The following PI4K2B variants were observed in gnomAD, a reference collection of about 807,000 sequenced individuals.
The protein encoded by PI4K2B is phosphatidylinositol 4-kinase type 2-beta.
Under a neutral mutation model 56.6 loss-of-function variants are expected in PI4K2B, and 46 were observed. The ratio of observed to expected loss-of-function variants is 0.81; its 90% CI spans 0.64 to 1.04. The LOEUF is 1.04. Ranked by LOEUF, PI4K2B falls within the 50% of genes least tolerant of loss-of-function variation. The pLI is 0.00. For synonymous variants in PI4K2B, 211 were observed against 223.8 expected (o/e 0.94, Z 0.51); for missense variants, 556 against 607.7 (o/e 0.91, Z 0.89).
intron 1 of PI4K2B, among the ~76,000 whole-genome samples, chr4:25,244,611 G>C (rs1048235347): frequency 1.3e-5 from 2 of 152,162 alleles, no homozygotes; most frequent in African/African-American, 2.4e-5. Flanking sequence ...GGGTCAAATT[G>C]GTCCCAATGG....
Position 25,268,207 on chromosome 4 carries a change from T to G in PI4K2B, c.1079-236T>G, listed in dbSNP as rs146548554. Among the ~76,000 whole-genome samples the G allele has an allele frequency of 6.2e-3, 952 of 152,330 alleles. 10 individuals carry two copies. The highest frequency in any genetic ancestry group is 0.022 in the African/African-American group (898 of 41,562). On this transcript the variant is annotated intron_variant, in intron 7 of 9. Coordinates refer to ENST00000264864, the MANE Select transcript of PI4K2B (RefSeq NM_018323.4). ...TTTAGAGCTATTTGAGATAGATTCA[T>G]TATCTAAACTCTTACTCTTTACTGT... is the stretch of plus-strand genomic sequence containing the variant.
intron 1 of PI4K2B, among the ~76,000 whole-genome samples, chr4:25,238,103 T>C (rs1044763137): frequency 2.6e-5 from 4 of 152,144 alleles, no homozygotes; most frequent in African/African-American, 9.7e-5. Context: ...AAGAAAATCA[T>C]TTAAAAGGAA....
chr4:25,245,074 G>T (rs926443398), intron 1 of PI4K2B, among the ~76,000 whole-genome samples: 3 of 152,104 alleles, frequency 2.0e-5, no homozygotes, highest in Admixed American at 6.6e-5. Flanking sequence ...CAATTTCTGA[G>T]GCTCCCCATA....
rs929777383 is a variant in PI4K2B at position 25,278,520 on chromosome 4, C to A, written c.*1333C>A. The A allele has an allele frequency of 6.6e-6, 1 of 152,530 alleles. No homozygotes were observed. Among genetic ancestry groups the A allele is most frequent in the African/African-American group, 2.4e-5 (1 of 41,424 alleles). 9.4% of individuals were successfully genotyped at this position (152,530 alleles called of 1,614,324 possible). On this transcript the variant is annotated 3_prime_UTR_variant, in exon 10 of 10. Transcript: ENST00000264864. ...TAGGATGCAAAACAGATCTGCCATT[C>A]CTTTTTCCCTTATATCTTCCTTTTG... is the stretch of plus-strand genomic sequence containing the variant.
At chr4:25,264,564 A>C (rs940807348) in intron 7 of PI4K2B, among the ~76,000 whole-genome samples, 1 of 152,186 alleles carries the variant, frequency 6.6e-6, no homozygotes, top group South Asian at 2.1e-4. Flanking sequence ...TTGTTTTCTG[A>C]TATTTGTATG....
intron 6 of PI4K2B, among the ~76,000 whole-genome samples, chr4:25,261,072 GAAT>G (rs1394266712): frequency 1.3e-5 from 2 of 151,814 alleles, no homozygotes; most frequent in Non-Finnish European, 2.9e-5. Context: ...TAGAATAGAA[GAAT>G]AATACCTGCC....
At position 25,255,232 on chromosome 4, in the gene PI4K2B, C is replaced by T. The variant is rs1326411872; in HGVS notation, c.591C>T (p.Asn197=). The part of the protein sequence containing the change: ...LSEAGAYLVD[N]KLHLSIVPKT... Reference sequence around the variant, plus strand: ...AAGCGGGTGCCTATCTTGTGGACAACAAGCTTCATCTGAGCATTGTACCTA... The same window carrying T: ...AAGCGGGTGCCTATCTTGTGGACAATAAGCTTCATCTGAGCATTGTACCTA... Residue 197 remains asparagine, a synonymous_variant, in exon 3 of 10, where the codon AAC becomes AAT. Transcript: ENST00000264864. 6.2e-7 allele frequency: 1 copy of T among 1,614,126 alleles called. No homozygotes were observed. Among genetic ancestry groups the T allele is most frequent in the Non-Finnish European group, 8.5e-7 (1 of 1,179,980 alleles).
At position 25,259,184 on chromosome 4, in the gene PI4K2B, A is replaced by T. The variant is rs150678626; in HGVS notation, c.904A>T (p.Asn302Tyr). The change falls in exon 5 of 10, where the codon AAT becomes TAT. Residue 302 changes from asparagine to tyrosine, a missense_variant. Transcript: ENST00000264864. The stretch of plus-strand genomic sequence containing the variant: ...AGTTATTTTGGATTACATCATCAGA[A>T]ATACAGGTATTGAAGTTCTCTCATT... Reference protein sequence around the residue: ...RLVILDYIIRNTDRGNDNWLV... With the variant: ...RLVILDYIIRYTDRGNDNWLV... 92 of 1,545,884 alleles carry T rather than the reference A, an allele frequency of 6.0e-5. No homozygotes were observed. Among genetic ancestry groups the T allele is most frequent in the Non-Finnish European group, 5.7e-5 (64 of 1,126,014 alleles).
chr4:25,247,601 C>T (rs1464320169), intron 1 of PI4K2B, among the ~76,000 whole-genome samples: 1 of 152,120 alleles, frequency 6.6e-6, no homozygotes, highest in East Asian at 1.9e-4. Flanking sequence ...GATGTAGGGG[C>T]CAGGGAAGAC....
intron 1 of PI4K2B, among the ~76,000 whole-genome samples, chr4:25,242,698 A>G (rs1715578589): frequency 1.3e-5 from 2 of 152,212 alleles, no homozygotes; most frequent in African/African-American, 4.8e-5. Context: ...ATGTTTAACA[A>G]TATTCTGTAA....
intron 3 of PI4K2B, among the ~76,000 whole-genome samples, chr4:25,255,945 G>T (rs10010580): frequency 0.075 from 11,182 of 149,274 alleles, 469 homozygotes; most frequent in South Asian, 0.13. Flanking sequence ...TTTTTTTTGA[G>T]ACAGGGTCTC....
intron 9 of PI4K2B, among the ~76,000 whole-genome samples, chr4:25,271,526 A>G (rs1050634327): frequency 1.3e-5 from 2 of 152,152 alleles, no homozygotes; most frequent in African/African-American, 2.4e-5. Context: ...GAGCCTCACT[A>G]AGAGGCTTTT....
At chr4:25,269,581 G>A (rs1256225675) in intron 9 of PI4K2B, among the ~76,000 whole-genome samples, 6 of 150,948 alleles carry the variant, frequency 4.0e-5, no homozygotes, top group Non-Finnish European at 8.8e-5. Context: ...AGAGGTTGCA[G>A]TGAGCTGAGA....
intron 5 of PI4K2B, among the ~76,000 whole-genome samples, chr4:25,259,765 G>A (rs748433139): frequency 9.9e-5 from 15 of 152,072 alleles, no homozygotes; most frequent in Admixed American, 1.3e-4. Context: ...ATTTTTGTTG[G>A]GCCACATTCA....
rs559256047 is a variant in PI4K2B, at chr4:25,269,418, C to T, written c.1272+215C>T. Among the ~76,000 whole-genome samples, 5 of 152,206 alleles carry T rather than the reference C, an allele frequency of 3.3e-5. 1 individual carries two copies. Among genetic ancestry groups the T allele is most frequent in the African/African-American group, 9.6e-5 (4 of 41,540 alleles). On this transcript the variant is annotated intron_variant, in intron 9 of 9. Transcript: ENST00000264864. The stretch of plus-strand genomic sequence containing the variant: ...TTGGGAGGCCAAGGCGGGTGAATCA[C>T]CTGAGGTCAGGAGTTCGAGACCAGC...
At position 25,252,396 on chromosome 4, in the gene PI4K2B, A is replaced by G; in HGVS notation, c.344A>G (p.Gln115Arg). The change falls in exon 2 of 10, where the codon CAA becomes CGA. Residue 115 changes from glutamine (Q) to arginine (R), a missense_variant. Gln to Arg is a conservative substitution (Grantham distance 43). Coordinates refer to ENST00000264864, the MANE Select transcript of PI4K2B (RefSeq NM_018323.4). ...EFADIMLRAE[Q>R]AIEVGIFPER... ...GCCGATATTATGCTGAGAGCAGAGC[A>G]AGCAATAGAAGTTGGAATTTTTCCA... The G allele has an allele frequency of 1.2e-6, 2 of 1,608,358 alleles. No homozygotes were observed. Among genetic ancestry groups the G allele is most frequent in the East Asian group, 4.5e-5 (2 of 44,844 alleles).
At chr4:25,270,228 C>T (rs1716830339) in intron 9 of PI4K2B, among the ~76,000 whole-genome samples, 1 of 152,150 alleles carries the variant, frequency 6.6e-6, no homozygotes, top group Non-Finnish European at 1.5e-5. Flanking sequence ...TTTGCTAGAG[C>T]AGTCACTAAA....
chr4:25,240,384 ACTGT>A (rs1277827111), intron 1 of PI4K2B, among the ~76,000 whole-genome samples: 1 of 152,166 alleles, frequency 6.6e-6, no homozygotes, highest in African/African-American at 2.4e-5. Context: ...TTTCTTGCAA[ACTGT>A]CTGAAAAATC....
intron 2 of PI4K2B, among the ~76,000 whole-genome samples, chr4:25,253,018 A>G (rs28607497): frequency 0.074 from 11,317 of 152,286 alleles, 479 homozygotes; most frequent in South Asian, 0.13. Flanking sequence ...TCAAGCATTT[A>G]TTGAATACCC....
Sources: allele counts gnomAD v4.1 joint callset (sites outside exome capture counted in the v4.1 genomes callset), GRCh38; gene constraint gnomAD v4.1.1; transcripts MANE v1.5; gene names NCBI Gene and HGNC (gene_info 2026-07-23, HGNC 2026-07-21).